Variants in TMEM178B observed in about 807,000 individuals in gnomAD.
The protein encoded by TMEM178B is transmembrane protein 178B.
A neutral mutation model predicts 31.0 loss-of-function variants in TMEM178B; 5 were observed. The ratio of observed to expected loss-of-function variants is 0.16; its 90% CI spans 0.08 to 0.34. The LOEUF is 0.34. Ranked by LOEUF, TMEM178B falls within the 10% of genes least tolerant of loss-of-function variation. The probability of loss-of-function intolerance (pLI) is 1.00; values close to 1 mark genes in which losing one functional copy is unlikely to be tolerated. For missense variants in TMEM178B, 275 were observed against 400.3 expected (o/e 0.69, Z 2.67); for synonymous variants, 164 against 164.0 (o/e 1.00, Z 0.00).
rs3035765 is a variant in TMEM178B at position 141,229,100 on chromosome 7, G to GGTGTGTGTGTGTGTGT, written c.496+16412_496+16427dup. 2.5e-3 allele frequency among the ~76,000 whole-genome samples: 332 copies of GGTGTGTGTGTGTGTGT among 134,824 alleles called. 2 individuals are homozygous for GGTGTGTGTGTGTGTGT. Among genetic ancestry groups the GGTGTGTGTGTGTGTGT allele is most frequent in the African/African-American group, 8.2e-3 (287 of 35,162 alleles). The allele number at this position is 134,824 out of a possible 152,430, so 88.4% of individuals were successfully genotyped here. ...TTTTTGCAAAATGATGTGTGTGTGT[G>GGTGTGTGTGTGTGTGT]GTGTGTGTGTGTGTGTGTGTGTGTG... is the stretch of plus-strand genomic sequence containing the variant. On this transcript the variant is annotated intron_variant, in intron 2 of 3. Coordinates refer to ENST00000565468, the MANE Select transcript of TMEM178B (RefSeq NM_001195278.2).
intron 2 of TMEM178B, among the ~76,000 whole-genome samples, chr7:141,363,381 T>C (rs1799950363): frequency 6.6e-6 from 1 of 152,228 alleles, no homozygotes; most frequent in South Asian, 2.1e-4. Flanking sequence ...TATCGTAACT[T>C]AGTTCACAGA....
intron 2 of TMEM178B, among the ~76,000 whole-genome samples, chr7:141,321,582 T>G (rs908651235): frequency 1.3e-5 from 2 of 152,150 alleles, no homozygotes; most frequent in African/African-American, 4.8e-5. Context: ...ATTCCTTGAG[T>G]GTGGCTTTAA....
chr7:141,207,883 C>A (rs1563117798), intron 1 of TMEM178B, among the ~76,000 whole-genome samples: 1 of 152,016 alleles, frequency 6.6e-6, no homozygotes, highest in Non-Finnish European at 1.5e-5. Context: ...ATAGTGAGAC[C>A]CCATCTCTAC....
intron 2 of TMEM178B, among the ~76,000 whole-genome samples, chr7:141,272,015 T>C (rs1798193543): frequency 6.6e-6 from 1 of 152,188 alleles, no homozygotes; most frequent in Non-Finnish European, 1.5e-5. Context: ...CTCTCCATGC[T>C]TCAGTGCTCA....
intron 2 of TMEM178B, among the ~76,000 whole-genome samples, chr7:141,230,328 A>G (rs1586838515): frequency 6.6e-6 from 1 of 152,350 alleles, no homozygotes; most frequent in African/African-American, 2.4e-5. Flanking sequence ...TAGCCCTACC[A>G]AATTTTACCT....
intron 2 of TMEM178B, among the ~76,000 whole-genome samples, chr7:141,364,281 G>A (rs6978289): frequency 0.37 from 55,619 of 152,018 alleles, 10,432 homozygotes; most frequent in African/African-American, 0.42. Flanking sequence ...TTAGAGATGC[G>A]TTCAATTGTA....
chr7:141,495,017 C>T, the TMEM178B span, among the ~76,000 whole-genome samples: 1 of 152,070 alleles, frequency 6.6e-6, no homozygotes, highest in African/African-American at 2.4e-5. Context: ...TTTGAATTTC[C>T]CATAAGTAAA....
At chr7:141,351,034 G>A (rs1456732203) in intron 2 of TMEM178B, among the ~76,000 whole-genome samples, 1 of 152,180 alleles carries the variant, frequency 6.6e-6, no homozygotes, top group Admixed American at 6.5e-5. Context: ...ATGATGGATG[G>A]AGTGCTGTGC....
intron 2 of TMEM178B, among the ~76,000 whole-genome samples, chr7:141,383,526 T>C (rs1319864722): frequency 6.6e-6 from 1 of 152,226 alleles, no homozygotes. Context: ...GCTTCATTCA[T>C]GTCCCTACAA....
Position 141,326,917 on chromosome 7 carries a change from G to A in TMEM178B, c.497-110691G>A, listed in dbSNP as rs1005773690. Among the ~76,000 whole-genome samples the A allele has an allele frequency of 3.9e-5, 6 of 152,134 alleles. No homozygotes were observed. The East Asian group carries it at 5.8e-4, about 15-fold the overall frequency. Reference sequence around the variant, plus strand: ...TGAGCCCTTGATATTTGGTTAGTGGGATGAGGAACTGACTTTTGAATTTAA... The same window carrying A: ...TGAGCCCTTGATATTTGGTTAGTGGAATGAGGAACTGACTTTTGAATTTAA... On this transcript the variant is annotated intron_variant, in intron 2 of 3. Transcript: ENST00000565468.
intron 2 of TMEM178B, among the ~76,000 whole-genome samples, chr7:141,262,858 A>G (rs912091433): frequency 2.0e-5 from 3 of 152,162 alleles, no homozygotes; most frequent in Admixed American, 2.0e-4. Flanking sequence ...GCTGGGACTC[A>G]GGGTTAACAA....
chr7:141,278,204 T>C (rs1177702171), intron 2 of TMEM178B, among the ~76,000 whole-genome samples: 4 of 152,226 alleles, frequency 2.6e-5, no homozygotes, highest in Non-Finnish European at 5.9e-5. Flanking sequence ...AAGGCTTTGT[T>C]CCCAGGGAAA....
At chr7:141,345,425 A>G (rs1268747859) in intron 2 of TMEM178B, among the ~76,000 whole-genome samples, 1 of 152,082 alleles carries the variant, frequency 6.6e-6, no homozygotes, top group Non-Finnish European at 1.5e-5. Context: ...TTCTGCCTTG[A>G]TTTTGTTTTG....
intron 2 of TMEM178B, among the ~76,000 whole-genome samples, chr7:141,288,383 C>T (rs1798484880): frequency 6.6e-6 from 1 of 151,958 alleles, no homozygotes; most frequent in Non-Finnish European, 1.5e-5. Flanking sequence ...GTGCCTCGCT[C>T]CATCCTTTAT....
intron 1 of TMEM178B, among the ~76,000 whole-genome samples, chr7:141,087,697 A>G (rs1794811179): frequency 6.6e-6 from 1 of 152,234 alleles, no homozygotes; most frequent in South Asian, 2.1e-4. Context: ...ATCACTTTTG[A>G]AACTGAGTAG....
At chr7:141,197,126 T>A (rs1796795527) in intron 1 of TMEM178B, among the ~76,000 whole-genome samples, 2 of 152,214 alleles carry the variant, frequency 1.3e-5, no homozygotes, top group Non-Finnish European at 2.9e-5. Flanking sequence ...TGCCATAGTA[T>A]AACAATAGCT....
rs138290663 is a variant in TMEM178B at position 141,183,595 on chromosome 7, A to G, written c.383-28996A>G. On this transcript the variant is annotated intron_variant, in intron 1 of 3. Transcript: ENST00000565468. ...GTTCTTTATGTTTATTAAAGCAACA[A>G]TTCCTTAGACTTGCCTTCTCTCCTC... is the stretch of plus-strand genomic sequence containing the variant. 1.7e-3 allele frequency among the ~76,000 whole-genome samples: 265 copies of G among 152,328 alleles called. 1 individual carries two copies. Among genetic ancestry groups the G allele is most frequent in the African/African-American group, 5.5e-3 (228 of 41,566 alleles).
chr7:141,349,910 G>C lies in TMEM178B; in HGVS notation c.497-87698G>C, dbSNP rs138493241. 8.5e-5 allele frequency among the ~76,000 whole-genome samples: 13 copies of C among 152,146 alleles called. No individual in the cohort carries two copies. The East Asian group carries it at 2.5e-3, about 29-fold the overall frequency. On this transcript the variant is annotated intron_variant, in intron 2 of 3. Coordinates refer to ENST00000565468, the MANE Select transcript of TMEM178B (RefSeq NM_001195278.2). ...TTTATTTACTGAGTTCTCACTATTT[G>C]CTGAAACCCTGAGGAAGAATCCATG...
At chr7:141,170,306 C>T (rs1796326886) in intron 1 of TMEM178B, among the ~76,000 whole-genome samples, 1 of 152,124 alleles carries the variant, frequency 6.6e-6, no homozygotes, top group African/African-American at 2.4e-5. Flanking sequence ...AGAGTCCCTT[C>T]CATTTATAAT....
Sources: gnomAD v4.1 joint callset for allele counts (sites outside exome capture counted in the v4.1 genomes callset) on GRCh38, gnomAD v4.1.1 for gene constraint, MANE v1.5 for transcripts, NCBI Gene and HGNC (gene_info 2026-07-23, HGNC 2026-07-21) for gene names.